RUBCN: variants seen among roughly 807,000 people sequenced by gnomAD.
RUBCN encodes rubicon autophagy regulator.
RUBCN carries 74 observed loss-of-function variants against 113.2 expected under a neutral mutation model. The ratio of observed to expected loss-of-function variants is 0.65; its 90% CI spans 0.54 to 0.79. The LOEUF is 0.79. Among genes scored for constraint, RUBCN ranks in the 30% least tolerant of loss-of-function variants. The pLI is 0.00. For missense variants in RUBCN, 1,109 were observed against 1,251.7 expected (o/e 0.89, Z 1.72); for synonymous variants, 480 against 490.0 (o/e 0.98, Z 0.27).
Position 197,745,796 on chromosome 3 carries a change from G to C in RUBCN, c.-116+3473C>G, listed in dbSNP as rs375910930. On this transcript the variant is annotated intron_variant, in intron 1 of 20. Transcript: ENST00000273582. ...TCACACCTGTAATGCCAGCACTTTG[G>C]GAGTCTGAGTCGGGTGGATCACCTG... is the stretch of plus-strand genomic sequence containing the variant. Among the ~76,000 whole-genome samples the C allele has an allele frequency of 6.6e-5, 10 of 152,124 alleles. No individual in the cohort carries two copies. The East Asian group carries it at 1.9e-3, about 29-fold the overall frequency.
rs1560420038 is a variant in RUBCN, at chr3:197,691,055, CGCTTG to C, written c.1786+2655_1786+2659del. ...ACACATGCATCTACAAGCACATCCA[CGCTTG>C]CAAAGTAGGCTACCTGAGAACATCG... is the stretch of plus-strand genomic sequence containing the variant. On this transcript the variant is annotated intron_variant, in intron 11 of 19. Transcript: ENST00000296343. 2.4e-6 allele frequency: 3 copies of C among 1,267,918 alleles called. No individual in the cohort carries two copies. The East Asian group carries it at 1.7e-4, about 71-fold the overall frequency. 78.5% of individuals were successfully genotyped at this position (1,267,918 alleles called of 1,614,324 possible). A position where few individuals can be genotyped will look rare whatever the true frequency, so the allele number is the denominator to read the frequency against.
At chr3:197,747,929 GTT>G (rs1169134636) in intron 1 of RUBCN, among the ~76,000 whole-genome samples, 6 of 140,308 alleles carry the variant, frequency 4.3e-5, no homozygotes, top group African/African-American at 2.6e-5. Context: ...AGTTTCTGTA[GTT>G]TTTTTTTTTT....
chr3:197,734,390 T>A (rs562277988), intron 1 of RUBCN, among the ~76,000 whole-genome samples: 33 of 148,342 alleles, frequency 2.2e-4, no homozygotes, highest in Non-Finnish European at 3.9e-4. Context: ...GGCAACATAG[T>A]GAGACCCTGT....
chr3:197,749,169 T>C, intron 1 of RUBCN: 2 of 591,266 alleles, frequency 3.4e-6, no homozygotes, highest in Non-Finnish European at 4.3e-6. Context: ...TATTAAACTG[T>C]TTTCCCGTAG....
At chr3:197,706,755 G>A (rs1000987023) in intron 2 of RUBCN, among the ~76,000 whole-genome samples, 9 of 152,154 alleles carry the variant, frequency 5.9e-5, no homozygotes, top group Non-Finnish European at 1.3e-4. Context: ...GAGACCTTAA[G>A]ATATATCAGA....
intron 2 of RUBCN, among the ~76,000 whole-genome samples, chr3:197,707,652 A>T (rs28511878): frequency 0.11 from 17,252 of 152,230 alleles, 1,215 homozygotes; most frequent in African/African-American, 0.18. Context: ...GATAAAAGTT[A>T]CAATGTTTAA....
chr3:197,687,224 G>C (rs1230567986), intron 11 of RUBCN, among the ~76,000 whole-genome samples: 1 of 152,136 alleles, frequency 6.6e-6, no homozygotes, highest in East Asian at 1.9e-4. Flanking sequence ...GACTCAAAAG[G>C]AAACACTTCA....
chr3:197,680,133 C>T lies in RUBCN; in HGVS notation c.2430+996G>A, dbSNP rs543738271. On this transcript the variant is annotated intron_variant, in intron 16 of 19. Transcript: ENST00000296343. Reference sequence around the variant, plus strand: ...TGACAACTGGCTTCAGACTGTCCTACGCTCTGACAACTGGCTCCAGACTGT... The same window carrying T: ...TGACAACTGGCTTCAGACTGTCCTATGCTCTGACAACTGGCTCCAGACTGT... Among the ~76,000 whole-genome samples, 105 of 122,862 alleles carry T rather than the reference C, an allele frequency of 8.5e-4. 1 individual carries two copies. The Middle Eastern group carries it at 0.015, about 18-fold the overall frequency. 80.6% of individuals were successfully genotyped at this position (122,862 alleles called of 152,430 possible). A position where few individuals can be genotyped will look rare whatever the true frequency, so the allele number is the denominator to read the frequency against.
chr3:197,727,502 C>T (rs1726895973), intron 1 of RUBCN, among the ~76,000 whole-genome samples: 1 of 152,182 alleles, frequency 6.6e-6, no homozygotes, highest in Admixed American at 6.5e-5. Context: ...AAAGAAAATT[C>T]TGCCAAAAAT....
chr3:197,690,047 C>T (rs750030154), intron 11 of RUBCN, among the ~76,000 whole-genome samples: 2 of 152,208 alleles, frequency 1.3e-5, no homozygotes, highest in Admixed American at 6.5e-5. Context: ...AGTGAGAACA[C>T]GGGAGCTCCT....
chr3:197,713,010 C>G (rs1034858496), intron 2 of RUBCN, among the ~76,000 whole-genome samples: 79 of 152,234 alleles, frequency 5.2e-4, no homozygotes, highest in African/African-American at 1.9e-3. Flanking sequence ...CAGGCATGCA[C>G]CACCACGCCC....
At chr3:197,686,520 T>C (rs1721869019) in intron 11 of RUBCN, among the ~76,000 whole-genome samples, 1 of 152,168 alleles carries the variant, frequency 6.6e-6, no homozygotes, top group Non-Finnish European at 1.5e-5. Context: ...GCTCTGCGGG[T>C]CCTGGGCCTG....
intron 11 of RUBCN, among the ~76,000 whole-genome samples, chr3:197,692,377 A>G (rs9834023): frequency 0.028 from 4,312 of 151,820 alleles, 129 homozygotes; most frequent in African/African-American, 0.075. Context: ...TTTACAACAG[A>G]CTATAAGCAT....
At chr3:197,726,826 T>C (rs915390818) in intron 1 of RUBCN, among the ~76,000 whole-genome samples, 8 of 151,790 alleles carry the variant, frequency 5.3e-5, no homozygotes, top group Non-Finnish European at 1.2e-4. Context: ...AGATCTTTTG[T>C]ATTTTAATAA....
rs147146176 is a variant in RUBCN, at chr3:197,681,650, A to G, written c.2191+185T>C. On this transcript the variant is annotated intron_variant, in intron 15 of 19. Coordinates refer to ENST00000296343, the MANE Select transcript of RUBCN (RefSeq NM_014687.4). The surrounding 1 kb of genome is among the most constrained non-coding windows in gnomAD (Gnocchi z 5.5). ...CTTTCCACAGGATACAATCCTGGCC[A>G]TGTGCTCCCAGAAATCATTTCCCTC... is the stretch of plus-strand genomic sequence containing the variant. 8.9e-4 allele frequency among the ~76,000 whole-genome samples: 135 copies of G among 152,334 alleles called. 1 individual carries two copies. The highest frequency in any genetic ancestry group is 3.1e-3 in the African/African-American group (129 of 41,564).
In RUBCN at chr3:197,675,486, C is replaced by T. The variant is rs1000722337; in HGVS notation, c.2676G>A (p.Glu892=). ...TGATGTCATCCTCATTCTGACAGAA[C>T]TCACAGATGAAGCCTTTGGCTTGGC... ...MLCQAKGFIC[E]FCQNEDDIIF... Residue 892 remains glutamate, a synonymous_variant, in exon 19 of 20, where the codon GAG becomes GAA. Transcript: ENST00000296343. This position sits in a 1 kb window ranked among gnomAD's most constrained non-coding sequence, Gnocchi z 4.4. The T allele has an allele frequency of 6.2e-7, 1 of 1,614,142 alleles. No individual in the cohort carries two copies. Among genetic ancestry groups the T allele is most frequent in the Non-Finnish European group, 8.5e-7 (1 of 1,180,018 alleles).
At position 197,684,196 on chromosome 3, in the gene RUBCN, G is replaced by A. The variant is rs549599895; in HGVS notation, c.1808C>T (p.Thr603Ile). The A allele has an allele frequency of 2.5e-6, 4 of 1,613,728 alleles. No homozygotes were observed. The South Asian group carries it at 4.4e-5, about 18-fold the overall frequency. Residue 603 changes from threonine to isoleucine, a missense_variant, in exon 12 of 20, where the codon ACA becomes ATA. Coordinates refer to ENST00000296343, the MANE Select transcript of RUBCN (RefSeq NM_014687.4). ...EIQDADIRRNTASSSKSFVSS... is the reference protein window; with the variant it reads ...EIQDADIRRNIASSSKSFVSS... ...AACGAAGGATTTGCTGCTTGAGGCT[G>A]TGTTCCTTCTGATGTCAGCATCTAC... is the stretch of plus-strand genomic sequence containing the variant.
intron 1 of RUBCN, among the ~76,000 whole-genome samples, chr3:197,744,014 T>A (rs1185584382): frequency 6.6e-6 from 1 of 151,452 alleles, no homozygotes; most frequent in African/African-American, 2.4e-5. Flanking sequence ...TAACTAATAT[T>A]AGCTAATAAT....
chr3:197,701,645 A>G (rs1723686608), intron 6 of RUBCN, 63 bp downstream of exon 6: 11 of 1,532,034 alleles, frequency 7.2e-6, no homozygotes, highest in African/African-American at 4.1e-5. Context: ...GAGCAACCAC[A>G]AAGTCTTCTT....
Sources: allele counts gnomAD v4.1 joint callset (sites outside exome capture counted in the v4.1 genomes callset), GRCh38; gene constraint gnomAD v4.1.1; non-coding constraint Gnocchi (gnomAD v3.1); transcripts MANE v1.5; gene names NCBI Gene and HGNC (gene_info 2026-07-23, HGNC 2026-07-21).